Variants in NFIB observed in about 807,000 individuals in gnomAD.
NFIB encodes the protein nuclear factor I B.
NFIB carries 11 observed loss-of-function variants against 61.5 expected under a neutral mutation model. The ratio of observed to expected loss-of-function variants is 0.18; its 90% confidence interval spans 0.11 to 0.30. NFIB has a LOEUF of 0.30. Ranked by LOEUF, NFIB falls within the 10% of genes least tolerant of loss-of-function variation. The pLI, the probability that NFIB is intolerant of heterozygous loss-of-function variation, is 1.00. For synonymous variants in NFIB, 260 were observed against 216.5 expected, an observed-to-expected ratio of 1.20 and a Z score of -1.76; for missense variants, 471 against 608.9, an observed-to-expected ratio of 0.77 and a Z score of 2.38.
intron 7 of NFIB, among the ~76,000 whole-genome samples, chr9:14,123,296 T>C (rs1436266959): frequency 6.6e-6 from 1 of 151,308 alleles, no homozygotes; most frequent in African/African-American, 2.4e-5. Flanking sequence ...AAAAGTAAAA[T>C]ACAAGACAAA....
intron 2 of NFIB, among the ~76,000 whole-genome samples, chr9:14,214,791 T>C (rs1189139827): frequency 6.6e-6 from 1 of 152,220 alleles, no homozygotes; most frequent in Non-Finnish European, 1.5e-5. Context: ...TTTTACTGAA[T>C]ATGAATATCC....
At chr9:14,330,926 A>C (rs930969784) in intron 1 of NFIB, among the ~76,000 whole-genome samples, 1 of 152,116 alleles carries the variant, frequency 6.6e-6, no homozygotes, top group East Asian at 1.9e-4. Flanking sequence ...TCTACTTCAT[A>C]TATAGGAGTC....
At chr9:14,369,608 C>G (rs1480643289) in intron 1 of NFIB, among the ~76,000 whole-genome samples, 1 of 152,146 alleles carries the variant, frequency 6.6e-6, no homozygotes, top group South Asian at 2.1e-4. Context: ...CTCTGCTTTC[C>G]CTCATGTCTT....
intron 2 of NFIB, among the ~76,000 whole-genome samples, chr9:14,221,786 G>A (rs961451433): frequency 3.9e-5 from 6 of 152,190 alleles, no homozygotes; most frequent in East Asian, 1.9e-4. Flanking sequence ...CTTATGCCCT[G>A]TATGCCAGCT....
intron 2 of NFIB, among the ~76,000 whole-genome samples, chr9:14,276,337 A>G (rs926819234): frequency 1.3e-5 from 2 of 152,320 alleles, no homozygotes; most frequent in South Asian, 2.1e-4. Flanking sequence ...ATTAAATAAG[A>G]TACTTTAAAC....
At chr9:14,504,625 C>A in the NFIB span, among the ~76,000 whole-genome samples, 1 of 152,108 alleles carries the variant, frequency 6.6e-6, no homozygotes, top group African/African-American at 2.4e-5. Context: ...TGATTTGATT[C>A]TTAGCTTGCT....
At chr9:14,286,886 A>G (rs1262588260) in intron 2 of NFIB, among the ~76,000 whole-genome samples, 2 of 152,154 alleles carry the variant, frequency 1.3e-5, no homozygotes, top group Non-Finnish European at 2.9e-5. Flanking sequence ...ATCTCCCTAC[A>G]TGTGCACAAC....
At position 14,185,733 on chromosome 9, in the gene NFIB, T is replaced by C. The variant is rs7849786; in HGVS notation, c.563-5953A>G. On this transcript the variant is annotated intron_variant, in intron 2 of 10. Transcript: ENST00000380953. ...TCTGTGTAAAATCATACAGTAGAAG[T>C]CAAACAGATAAATTTCTTGTGGCAA... Among the ~76,000 whole-genome samples, 524 of 152,208 alleles carry C rather than the reference T, an allele frequency of 3.4e-3. 2 individuals are homozygous for C. Among genetic ancestry groups the C allele is most frequent in the African/African-American group, 0.012 (493 of 41,540 alleles).
chr9:14,507,993 CAT>C, the NFIB span, among the ~76,000 whole-genome samples: 63,081 of 147,706 alleles, frequency 0.43, 13,727 homozygotes, highest in East Asian at 0.63. Context: ...CACACACACA[CAT>C]ATATATATAT....
At chr9:14,314,583 G>C (rs1040211443), upstream of NFIB, 4 of 151,938 alleles carry the variant, frequency 2.6e-5, no homozygotes, top group Non-Finnish European at 1.5e-5. Context: ...CCCCGCTCGA[G>C]CTCTCTCCAA....
chr9:14,214,638 AC>A (rs2050660935), intron 2 of NFIB, among the ~76,000 whole-genome samples: 1 of 152,264 alleles, frequency 6.6e-6, no homozygotes, highest in African/African-American at 2.4e-5. Flanking sequence ...CTACCAGGAA[AC>A]TTTTTAAACA....
chr9:14,285,117 G>T (rs1030068604), intron 2 of NFIB, among the ~76,000 whole-genome samples: 12 of 152,126 alleles, frequency 7.9e-5, no homozygotes, highest in African/African-American at 2.9e-4. Flanking sequence ...TAAAACAAAT[G>T]ATTCTTTCCA....
chr9:14,249,720 A>T (rs962063946), intron 2 of NFIB, among the ~76,000 whole-genome samples: 2 of 152,066 alleles, frequency 1.3e-5, no homozygotes, highest in Admixed American at 6.6e-5. Context: ...AGGAGAGTAA[A>T]GGGAAAAGAA....
At chr9:14,237,327 A>T (rs982487066) in intron 2 of NFIB, among the ~76,000 whole-genome samples, 5 of 152,166 alleles carry the variant, frequency 3.3e-5, no homozygotes, top group African/African-American at 1.2e-4. Flanking sequence ...TCCCCAAATT[A>T]TTCTCCAAGC....
At chr9:14,157,424 A>G (rs1160269134) in intron 3 of NFIB, among the ~76,000 whole-genome samples, 1 of 152,220 alleles carries the variant, frequency 6.6e-6, no homozygotes, top group East Asian at 1.9e-4. Context: ...CTTTAGAAAC[A>G]GAATGAAAGA....
At chr9:14,088,862 A>C (rs975211813) in intron 10 of NFIB, among the ~76,000 whole-genome samples, 4 of 152,196 alleles carry the variant, frequency 2.6e-5, no homozygotes, top group Admixed American at 2.6e-4. Context: ...AGGAAAAAAA[A>C]CTACATGTTT....
chr9:14,481,299 T>A, the NFIB span, among the ~76,000 whole-genome samples: 1 of 145,118 alleles, frequency 6.9e-6, no homozygotes, highest in South Asian at 2.3e-4. Context: ...CCTCCAGAGT[T>A]CTTGAGCTCC....
chr9:14,166,010 A>G lies in NFIB; in HGVS notation c.617-10117T>C, dbSNP rs79600270. Among the ~76,000 whole-genome samples the G allele has an allele frequency of 3.7e-3, 569 of 152,300 alleles. 2 individuals carry two copies. The highest frequency in any genetic ancestry group is 0.013 in the African/African-American group (543 of 41,582). Reference sequence around the variant, plus strand: ...AGATGACAAATTTAATGTTACGCGTATTTCACTAAAATTTAAAAATGCAGT... The same window carrying G: ...AGATGACAAATTTAATGTTACGCGTGTTTCACTAAAATTTAAAAATGCAGT... On this transcript the variant is annotated intron_variant, in intron 3 of 10. Coordinates refer to ENST00000380953, the MANE Select transcript of NFIB (RefSeq NM_001190737.2).
upstream of NFIB, among the ~76,000 whole-genome samples, chr9:14,318,505 C>CTTTT (rs34481505): frequency 2.9e-3 from 195 of 66,854 alleles, 10 homozygotes; most frequent in South Asian, 5.4e-3. Flanking sequence ...CACTCGATGC[C>CTTTT]TTTTTTTTTT....
Sources: allele counts gnomAD v4.1 joint callset (sites outside exome capture counted in the v4.1 genomes callset), GRCh38; gene constraint gnomAD v4.1.1; transcripts MANE v1.5; gene names NCBI Gene and HGNC (gene_info 2026-07-23, HGNC 2026-07-21).